The following GNAQ variants were observed in gnomAD, a reference collection of about 807,000 sequenced individuals.
The protein encoded by GNAQ is guanine nucleotide-binding protein G(q) subunit alpha.
Under a neutral mutation model 43.9 loss-of-function variants are expected in GNAQ, and 8 were observed. That is an observed-to-expected ratio of 0.18 (90% confidence interval 0.11 to 0.33). GNAQ has a LOEUF of 0.33. Among genes scored for constraint, GNAQ ranks in the 10% least tolerant of loss-of-function variants. GNAQ has a pLI of 1.00. For synonymous variants in GNAQ, 155 were observed against 170.7 expected (o/e 0.91, Z 0.71); for missense variants, 158 against 450.8 (o/e 0.35, Z 5.88).
intron 1 of GNAQ, among the ~76,000 whole-genome samples, chr9:77,982,493 G>A (rs1823380043): frequency 6.6e-6 from 1 of 152,148 alleles, no homozygotes; most frequent in Non-Finnish European, 1.5e-5. Context: ...GGGGTTATGA[G>A]AGAGACATAT....
intron 1 of GNAQ, among the ~76,000 whole-genome samples, chr9:77,999,023 C>G (rs980429378): frequency 7.9e-6 from 1 of 127,288 alleles, no homozygotes; most frequent in African/African-American, 3.0e-5. Context: ...ACCCAGGAGG[C>G]GGAGGTTGCA....
At chr9:77,730,929 C>A (rs1825478074) in intron 5 of GNAQ, among the ~76,000 whole-genome samples, 1 of 152,114 alleles carries the variant, frequency 6.6e-6, no homozygotes, top group Non-Finnish European at 1.5e-5. Context: ...TAGATAGTGA[C>A]ATCCCTGATG....
intron 5 of GNAQ, among the ~76,000 whole-genome samples, chr9:77,790,162 C>T (rs927315708): frequency 6.6e-6 from 1 of 152,128 alleles, no homozygotes; most frequent in African/African-American, 2.4e-5. Flanking sequence ...TCGATAAAGG[C>T]GGGCTTGATT....
intron 2 of GNAQ, among the ~76,000 whole-genome samples, chr9:77,818,039 A>C (rs932316988): frequency 2.0e-5 from 3 of 152,098 alleles, no homozygotes; most frequent in African/African-American, 2.4e-5. Context: ...ACAAAAAAAA[A>C]CTGTCTTGTG....
intron 5 of GNAQ, among the ~76,000 whole-genome samples, chr9:77,785,019 T>C (rs903394149): frequency 6.6e-6 from 1 of 152,218 alleles, no homozygotes; most frequent in African/African-American, 2.4e-5. Flanking sequence ...TTAAACTGTT[T>C]GGCAGTGTCA....
chr9:77,850,188 C>T (rs1827651672), intron 2 of GNAQ, among the ~76,000 whole-genome samples: 2 of 152,252 alleles, frequency 1.3e-5, no homozygotes, highest in Non-Finnish European at 2.9e-5. Context: ...CCCCTATCTG[C>T]TTCCACTACC....
At chr9:77,818,446 TAAA>T (rs758876754) in intron 2 of GNAQ, among the ~76,000 whole-genome samples, 1 of 131,348 alleles carries the variant, frequency 7.6e-6, no homozygotes, top group African/African-American at 2.8e-5. Context: ...CAATTTTTTG[TAAA>T]AAAAAAAAAA....
At chr9:77,931,646 T>TA (rs1564155365) in intron 1 of GNAQ, among the ~76,000 whole-genome samples, 1 of 152,104 alleles carries the variant, frequency 6.6e-6, no homozygotes, top group Non-Finnish European at 1.5e-5. Flanking sequence ...TCCAGGAAGT[T>TA]AAAGACTCTA....
At chr9:78,030,235 T>C (rs918538926) in intron 1 of GNAQ, among the ~76,000 whole-genome samples, 1 of 152,190 alleles carries the variant, frequency 6.6e-6, no homozygotes, top group Non-Finnish European at 1.5e-5. Context: ...TATTGTGAAC[T>C]GAGGCCTACA....
chr9:77,981,107 C>T (rs930134180), intron 1 of GNAQ, among the ~76,000 whole-genome samples: 3 of 152,140 alleles, frequency 2.0e-5, no homozygotes, highest in African/African-American at 7.2e-5. Context: ...GATTTTTCCA[C>T]ATTTATTTAA....
At chr9:77,958,103 T>C (rs899402398) in intron 1 of GNAQ, among the ~76,000 whole-genome samples, 2 of 152,154 alleles carry the variant, frequency 1.3e-5, no homozygotes, top group South Asian at 2.1e-4. Context: ...ACAGGAATAG[T>C]AGAGTAGCTA....
At chr9:77,817,297 T>C (rs947968837) in intron 2 of GNAQ, among the ~76,000 whole-genome samples, 3 of 152,180 alleles carry the variant, frequency 2.0e-5, no homozygotes, top group Non-Finnish European at 4.4e-5. Context: ...AATCATGGTT[T>C]AAGTTCCAAG....
intron 1 of GNAQ, among the ~76,000 whole-genome samples, chr9:78,000,940 T>A (rs1823636126): frequency 6.6e-6 from 1 of 151,996 alleles, no homozygotes. Context: ...AAACACAAGA[T>A]TAAAAATCAA....
At chr9:77,920,706 G>GA (rs1333274841) in intron 2 of GNAQ, among the ~76,000 whole-genome samples, 2 of 152,068 alleles carry the variant, frequency 1.3e-5, no homozygotes, top group Non-Finnish European at 2.9e-5. Flanking sequence ...TTTCACCCTT[G>GA]AAAATAAAAG....
rs570830333 is a variant in GNAQ at position 77,938,334 on chromosome 9, A to G, written c.137-15989T>C. ...GATGTAACCGCTTTGTTCTTTCTCTATGTAACACATGACAGAGTTTGGATC... is the reference window on the plus strand; with the variant it reads ...GATGTAACCGCTTTGTTCTTTCTCTGTGTAACACATGACAGAGTTTGGATC... On this transcript the variant is annotated intron_variant, in intron 1 of 6. Transcript: ENST00000286548. 5.9e-5 allele frequency among the ~76,000 whole-genome samples: 9 copies of G among 152,284 alleles called. No homozygotes were observed. The East Asian group carries it at 1.2e-3, about 20-fold the overall frequency.
At chr9:77,944,800 T>C (rs1189600091) in intron 1 of GNAQ, among the ~76,000 whole-genome samples, 1 of 152,224 alleles carries the variant, frequency 6.6e-6, no homozygotes, top group Non-Finnish European at 1.5e-5. Flanking sequence ...AATTACCTGT[T>C]TGTGATTGGA....
At chr9:77,725,360 TG>T (rs1427833273) in intron 6 of GNAQ, among the ~76,000 whole-genome samples, 1 of 151,968 alleles carries the variant, frequency 6.6e-6, no homozygotes, top group Non-Finnish European at 1.5e-5. Flanking sequence ...TATAGAAATG[TG>T]GAAGTGTGAA....
chr9:77,778,853 C>T (rs545724270), intron 5 of GNAQ, among the ~76,000 whole-genome samples: 2 of 151,968 alleles, frequency 1.3e-5, no homozygotes, highest in South Asian at 2.1e-4. Context: ...ATAATGATAA[C>T]GGGGTCAATT....
At chr9:77,810,277 C>T (rs1485549114) in intron 3 of GNAQ, among the ~76,000 whole-genome samples, 1 of 151,554 alleles carries the variant, frequency 6.6e-6, no homozygotes, top group African/African-American at 2.4e-5. Context: ...TGTCATGCAT[C>T]CATCCATCCT....
Sources: gnomAD v4.1 joint callset for allele counts (sites outside exome capture counted in the v4.1 genomes callset) on GRCh38, gnomAD v4.1.1 for gene constraint, MANE v1.5 for transcripts, NCBI Gene and HGNC (gene_info 2026-07-23, HGNC 2026-07-21) for gene names.